The following SPOCK3 variants were observed in gnomAD, a reference collection of about 807,000 sequenced individuals.
SPOCK3 encodes the protein testican-3.
A neutral mutation model predicts 56.6 loss-of-function variants in SPOCK3; 30 were observed. The ratio of observed to expected loss-of-function variants is 0.53; its 90% CI spans 0.40 to 0.72. The LOEUF (loss-of-function observed/expected upper bound fraction) is 0.72, where lower values mean the gene tolerates loss of function less well. SPOCK3 is among the 30% of genes least tolerant of loss of function. The pLI is 0.00. For missense variants in SPOCK3, 527 were observed against 530.0 expected, an observed-to-expected ratio of 0.99 and a Z score of 0.06; for synonymous variants, 196 against 183.3, an observed-to-expected ratio of 1.07 and a Z score of -0.56.
intron 2 of SPOCK3, among the ~76,000 whole-genome samples, chr4:167,172,155 T>G (rs1730559101): frequency 6.6e-6 from 1 of 152,148 alleles, no homozygotes; most frequent in African/African-American, 2.4e-5. Flanking sequence ...ACCAAGAGAC[T>G]GACAGAGACA....
intron 3 of SPOCK3, among the ~76,000 whole-genome samples, chr4:167,006,895 C>T (rs1377371082): frequency 1.3e-5 from 2 of 152,172 alleles, no homozygotes; most frequent in Non-Finnish European, 2.9e-5. Context: ...CTCTCAGGTG[C>T]CACTTTGCTC....
Position 167,028,704 on chromosome 4 carries a change from C to T in SPOCK3, c.236-28241G>A, listed in dbSNP as rs76401088. ...TGAAAAATCTCTTTATTTTGGGTAG[C>T]CATGTGCCCAACAAAATTTTGACAT... On this transcript the variant is annotated intron_variant, in intron 3 of 10. Coordinates refer to ENST00000357545, the MANE Select transcript of SPOCK3 (RefSeq NM_001040159.2). Among the ~76,000 whole-genome samples, 1,186 of 152,062 alleles carry T rather than the reference C, an allele frequency of 7.8e-3. 23 individuals carry two copies. The highest frequency in any genetic ancestry group is 0.027 in the African/African-American group (1,126 of 41,502).
intron 2 of SPOCK3, among the ~76,000 whole-genome samples, chr4:167,226,501 T>C (rs1385032364): frequency 6.6e-6 from 1 of 152,156 alleles, no homozygotes; most frequent in Non-Finnish European, 1.5e-5. Flanking sequence ...ATATTTTCAA[T>C]AGATATTTAG....
chr4:167,060,508 A>G (rs1373719735), intron 3 of SPOCK3, among the ~76,000 whole-genome samples: 2 of 152,076 alleles, frequency 1.3e-5, no homozygotes, highest in African/African-American at 4.8e-5. Flanking sequence ...CGAAAAACAA[A>G]TACACATATC....
At chr4:166,904,754 C>T (rs904597333) in intron 5 of SPOCK3, among the ~76,000 whole-genome samples, 1 of 151,950 alleles carries the variant, frequency 6.6e-6, no homozygotes, top group African/African-American at 2.4e-5. Context: ...TTTACAGATA[C>T]ACATGGATAA....
At chr4:167,178,877 G>T in intron 2 of SPOCK3, among the ~76,000 whole-genome samples, 1 of 151,962 alleles carries the variant, frequency 6.6e-6, no homozygotes, top group East Asian at 1.9e-4. Context: ...TATCCTGTTA[G>T]GTGCTTAAAG....
At chr4:167,002,928 A>G (rs1308221026) in intron 3 of SPOCK3, among the ~76,000 whole-genome samples, 1 of 152,182 alleles carries the variant, frequency 6.6e-6, no homozygotes, top group Non-Finnish European at 1.5e-5. Context: ...TCTGTACTAT[A>G]TGTACATATA....
intron 6 of SPOCK3, among the ~76,000 whole-genome samples, chr4:166,818,935 T>C (rs1744649466): frequency 6.6e-6 from 1 of 152,050 alleles, no homozygotes; most frequent in African/African-American, 2.4e-5. Flanking sequence ...CTAGACTTTT[T>C]AATAATTTGA....
chr4:166,912,969 T>C (rs1225023650), intron 4 of SPOCK3, among the ~76,000 whole-genome samples: 1 of 152,192 alleles, frequency 6.6e-6, no homozygotes, highest in Non-Finnish European at 1.5e-5. Flanking sequence ...TCCTTAAATA[T>C]ATTCTGCTAG....
At chr4:166,815,293 A>C (rs944442621) in intron 6 of SPOCK3, among the ~76,000 whole-genome samples, 2 of 150,374 alleles carry the variant, frequency 1.3e-5, no homozygotes, top group Admixed American at 6.6e-5. Context: ...CTATGACCAC[A>C]AAACTGTATA....
intron 7 of SPOCK3, among the ~76,000 whole-genome samples, chr4:166,789,909 C>T (rs956655187): frequency 1.3e-5 from 2 of 152,092 alleles, no homozygotes; most frequent in African/African-American, 4.8e-5. Flanking sequence ...AATGCATGCA[C>T]ATTTTGACTC....
rs183045357 is a variant in SPOCK3, at chr4:167,048,411, G to T, written c.235+14081C>A. On this transcript the variant is annotated intron_variant, in intron 3 of 10. Coordinates refer to ENST00000357545, the MANE Select transcript of SPOCK3 (RefSeq NM_001040159.2). ...TTATACTGTTCTAAAATAAGTGTCG[G>T]AAGAAACCAGACATGCCCAATATAT... is the stretch of plus-strand genomic sequence containing the variant. Among the ~76,000 whole-genome samples the T allele has an allele frequency of 6.8e-4, 103 of 152,062 alleles. 1 individual carries two copies. The highest frequency in any genetic ancestry group is 2.4e-3 in the African/African-American group (101 of 41,490).
chr4:167,072,763 C>A (rs925406752), intron 2 of SPOCK3, among the ~76,000 whole-genome samples: 1 of 151,698 alleles, frequency 6.6e-6, no homozygotes, highest in South Asian at 2.1e-4. Context: ...AAAGTAATCA[C>A]GATATGTATT....
intron 2 of SPOCK3, among the ~76,000 whole-genome samples, chr4:167,135,462 A>C (rs932445835): frequency 6.6e-6 from 1 of 152,160 alleles, no homozygotes; most frequent in Non-Finnish European, 1.5e-5. Context: ...TTTTAATTAG[A>C]TTCAATCACA....
chr4:166,962,293 G>A (rs1262354007), intron 4 of SPOCK3, among the ~76,000 whole-genome samples: 2 of 152,082 alleles, frequency 1.3e-5, no homozygotes, highest in African/African-American at 4.8e-5. Context: ...CTGCTTATAA[G>A]ATATTTAGAT....
rs1218334642 is a variant in SPOCK3, at chr4:166,737,514, T to C, written c.1085A>G (p.Tyr362Cys). The C allele has an allele frequency of 6.2e-7, 1 of 1,613,338 alleles. No individual in the cohort carries two copies. Among genetic ancestry groups the C allele is most frequent in the East Asian group, 2.2e-5 (1 of 44,870 alleles). ...SVGQCWCVDR[Y>C]GNEVMGSRIN... is the part of the protein sequence containing the mutation. ...TCTGGATCCCATGACTTCATTTCCA[T>C]ATCTGTCAACACACCAGCACTGTCC... is the stretch of plus-strand genomic sequence containing the variant. Residue 362 changes from tyrosine to cysteine, a missense_variant, in exon 10 of 11, where the codon TAT becomes TGT. By Grantham distance (194) the Tyr-to-Cys change is radical (BLOSUM62 -2). Coordinates refer to ENST00000357545, the MANE Select transcript of SPOCK3 (RefSeq NM_001040159.2).
intron 4 of SPOCK3, among the ~76,000 whole-genome samples, chr4:166,996,981 T>C (rs1229824879): frequency 6.6e-6 from 1 of 152,158 alleles, no homozygotes; most frequent in Non-Finnish European, 1.5e-5. Flanking sequence ...TGTTTAAATA[T>C]CCTTCTTGAA....
chr4:166,937,259 G>C (rs1257634535), intron 4 of SPOCK3, among the ~76,000 whole-genome samples: 1 of 151,652 alleles, frequency 6.6e-6, no homozygotes, highest in Admixed American at 6.6e-5. Context: ...TACATTTCTG[G>C]AAATTTTAAA....
chr4:166,956,835 C>T (rs1396511234), intron 4 of SPOCK3, among the ~76,000 whole-genome samples: 1 of 152,076 alleles, frequency 6.6e-6, no homozygotes, highest in Non-Finnish European at 1.5e-5. Context: ...GTTTAGAATC[C>T]ATAAGTTATT....
Sources: allele counts gnomAD v4.1 joint callset (sites outside exome capture counted in the v4.1 genomes callset), GRCh38; gene constraint gnomAD v4.1.1; transcripts MANE v1.5; gene names NCBI Gene and HGNC (gene_info 2026-07-23, HGNC 2026-07-21).